Variants in ABAT observed in about 807,000 individuals in gnomAD.
ABAT encodes the protein 4-aminobutyrate aminotransferase.
In ABAT, 45 loss-of-function variants were observed where a neutral mutation model predicts 64.6. The observed-to-expected ratio is 0.70, with a 90% CI of 0.55 to 0.89. ABAT has a LOEUF of 0.89. ABAT is among the 40% of genes least tolerant of loss of function. ABAT has a pLI of 0.00. For synonymous variants in ABAT, 297 were observed against 250.5 expected, an observed-to-expected ratio of 1.19 and a Z score of -1.75; for missense variants, 633 against 658.4, an observed-to-expected ratio of 0.96 and a Z score of 0.42.
At chr16:8,779,806 G>A (rs990385439) in intron 15 of ABAT, among the ~76,000 whole-genome samples, 1 of 152,224 alleles carries the variant, frequency 6.6e-6, no homozygotes, top group Non-Finnish European at 1.5e-5. Flanking sequence ...CTGAGGAGGT[G>A]AGTTGTAAGT....
chr16:8,700,367 G>A lies in ABAT; in HGVS notation c.-42+25656G>A, dbSNP rs1221920257. Among the ~76,000 whole-genome samples the A allele has an allele frequency of 2.6e-5, 4 of 152,042 alleles. No homozygotes were observed. In the East Asian group the frequency reaches 5.8e-4, roughly 22 times the overall value. On this transcript the variant is annotated intron_variant, in intron 1 of 15. Coordinates refer to ENST00000268251, the MANE Select transcript of ABAT (RefSeq NM_020686.6). The stretch of plus-strand genomic sequence containing the variant: ...AGCAAAGTGCACTAAACTTACATAC[G>A]CGGCTCCATGAATTTTTACCTGAGA...
chr16:8,756,007 C>G (rs1417079032), intron 5 of ABAT, among the ~76,000 whole-genome samples: 3 of 151,998 alleles, frequency 2.0e-5, no homozygotes, highest in Non-Finnish European at 4.4e-5. Context: ...CGAGATTGCT[C>G]CACTTCACTC....
At chr16:8,691,215 G>A (rs1208199639) in intron 1 of ABAT, among the ~76,000 whole-genome samples, 1 of 152,014 alleles carries the variant, frequency 6.6e-6, no homozygotes, top group Non-Finnish European at 1.5e-5. Context: ...TACCCTCTCT[G>A]GGAACCCCAC....
chr16:8,752,114 G>A (rs2059505146), intron 5 of ABAT, among the ~76,000 whole-genome samples: 1 of 152,182 alleles, frequency 6.6e-6, no homozygotes, highest in East Asian at 1.9e-4. Flanking sequence ...ACCCAGCCTT[G>A]GCTGTCCCCC....
chr16:8,742,169 C>G (rs1235950316), intron 2 of ABAT, among the ~76,000 whole-genome samples: 1 of 152,224 alleles, frequency 6.6e-6, no homozygotes, highest in African/African-American at 2.4e-5. Context: ...TTCACCACCT[C>G]TCCCAGCTCC....
At chr16:8,769,756 G>A (rs1252604776) in intron 11 of ABAT, among the ~76,000 whole-genome samples, 4 of 152,082 alleles carry the variant, frequency 2.6e-5, no homozygotes, top group Non-Finnish European at 4.4e-5. Context: ...CCGTTTCCAC[G>A]TCATCTAACA....
intron 1 of ABAT, among the ~76,000 whole-genome samples, chr16:8,692,564 C>G (rs944570160): frequency 1.3e-5 from 2 of 152,120 alleles, no homozygotes; most frequent in Non-Finnish European, 2.9e-5. Context: ...GAAAATCCCC[C>G]CAAAAGGGCC....
chr16:8,730,262 G>A (rs553798751), intron 1 of ABAT, among the ~76,000 whole-genome samples: 1 of 152,166 alleles, frequency 6.6e-6, no homozygotes, highest in East Asian at 1.9e-4. Flanking sequence ...CTGGCACACG[G>A]TAGGTGTACC....
intron 1 of ABAT, among the ~76,000 whole-genome samples, chr16:8,697,522 T>C (rs1323905779): frequency 6.6e-6 from 1 of 152,140 alleles, no homozygotes; most frequent in East Asian, 1.9e-4. Flanking sequence ...AGTCCAGGCA[T>C]GAGCAATTGC....
At chr16:8,725,359 T>C (rs1383062428) in intron 1 of ABAT, among the ~76,000 whole-genome samples, 1 of 152,198 alleles carries the variant, frequency 6.6e-6, no homozygotes, top group Non-Finnish European at 1.5e-5. Flanking sequence ...CCGTACCCAT[T>C]AAGCAGTCAT....
chr16:8,719,450 T>G (rs1037134521), intron 1 of ABAT, among the ~76,000 whole-genome samples: 1 of 152,182 alleles, frequency 6.6e-6, no homozygotes, highest in African/African-American at 2.4e-5. Flanking sequence ...GTCTGTTCAT[T>G]TTTCTCTCCA....
At chr16:8,761,242 C>T (rs2033472394) in intron 6 of ABAT, among the ~76,000 whole-genome samples, 1 of 145,908 alleles carries the variant, frequency 6.9e-6, no homozygotes, top group African/African-American at 2.4e-5. Flanking sequence ...AGGGACTGGT[C>T]CTAACCCTCA....
At chr16:8,759,599 A>G (rs564888718) in intron 6 of ABAT, among the ~76,000 whole-genome samples, 1 of 151,798 alleles carries the variant, frequency 6.6e-6, no homozygotes, top group East Asian at 1.9e-4. Flanking sequence ...TGCAGCCTCG[A>G]CCTCCCAGGC....
intron 1 of ABAT, among the ~76,000 whole-genome samples, chr16:8,687,537 A>T (rs2057483874): frequency 6.6e-6 from 1 of 152,228 alleles, no homozygotes; most frequent in South Asian, 2.1e-4. Context: ...AAAACAAAAA[A>T]CAAAACAAAA....
intron 14 of ABAT, among the ~76,000 whole-genome samples, chr16:8,777,237 C>T (rs1337161895): frequency 6.6e-6 from 1 of 151,932 alleles, no homozygotes; most frequent in Non-Finnish European, 1.5e-5. Flanking sequence ...CAGACATCCC[C>T]CCTTTGAGAG....
At chr16:8,683,782 G>T (rs1954322716) in intron 1 of ABAT, among the ~76,000 whole-genome samples, 2 of 152,142 alleles carry the variant, frequency 1.3e-5, no homozygotes, top group African/African-American at 4.8e-5. Context: ...TGGTTGTCTG[G>T]TATCTATAGT....
rs1567310352 is a variant in ABAT at position 8,764,482 on chromosome 16, CTT to C, written c.448-255_448-254del. 6.6e-6 allele frequency among the ~76,000 whole-genome samples: 1 copy of C among 152,230 alleles called. No individual in the cohort carries two copies. Among genetic ancestry groups the C allele is most frequent in the African/African-American group, 2.4e-5 (1 of 41,466 alleles). On this transcript the variant is annotated intron_variant, in intron 7 of 15. Transcript: ENST00000268251. This position sits in a 1 kb window ranked among gnomAD's most constrained non-coding sequence, Gnocchi z 4.2. ...CGTCCCGCCTGGAACGTGTAGGTGT[CTT>C]AGACAGTGGCAGGTGCATCAGGAGT...
At chr16:8,766,120 T>A in intron 8 of ABAT, 88 bp from the exon 9 acceptor site, 5 of 1,277,730 alleles carry the variant, frequency 3.9e-6, no homozygotes, top group Non-Finnish European at 5.7e-6. Flanking sequence ...TTTCTACTTG[T>A]CTGGACTGAA....
intron 1 of ABAT, among the ~76,000 whole-genome samples, chr16:8,732,917 C>T (rs1337051653): frequency 2.0e-5 from 3 of 150,188 alleles, no homozygotes; most frequent in Non-Finnish European, 4.4e-5. Context: ...GGCGGCTGGC[C>T]GGGCGGGGGG....
Sources: gnomAD v4.1 joint callset for allele counts (sites outside exome capture counted in the v4.1 genomes callset) on GRCh38, gnomAD v4.1.1 for gene constraint, Gnocchi (gnomAD v3.1) non-coding constraint, MANE v1.5 for transcripts, NCBI Gene and HGNC (gene_info 2026-07-23, HGNC 2026-07-21) for gene names.